Variants in DGKZ observed in about 807,000 individuals in gnomAD.
DGKZ encodes DAG kinase zeta.
DGKZ carries 45 observed loss-of-function variants against 142.5 expected under a neutral mutation model. The observed-to-expected ratio is 0.32, with a 90% CI of 0.25 to 0.40. The LOEUF (loss-of-function observed/expected upper bound fraction) is 0.40, where lower values mean the gene tolerates loss of function less well. Among genes scored for constraint, DGKZ ranks in the 10% least tolerant of loss-of-function variants. The pLI is 1.00. For missense variants in DGKZ, 755 were observed against 1,306.5 expected, an observed-to-expected ratio of 0.58 and a Z score of 6.51; for synonymous variants, 442 against 527.0, an observed-to-expected ratio of 0.84 and a Z score of 2.21.
chr11:46,366,901 C>A, intron 1 of DGKZ: 1 of 1,547,390 alleles, frequency 6.5e-7, no homozygotes, highest in Non-Finnish European at 8.7e-7. Flanking sequence ...TGCTGCCCAC[C>A]CGTGTGCGCC....
At chr11:46,354,276 C>T (rs984754034) in intron 1 of DGKZ, among the ~76,000 whole-genome samples, 1 of 152,168 alleles carries the variant, frequency 6.6e-6, no homozygotes, top group Non-Finnish European at 1.5e-5. Context: ...AATTTCAAAC[C>T]CCTAGGCTCA....
chr11:46,378,790 A>G, intron 27 of DGKZ: 2 of 969,198 alleles, frequency 2.1e-6, no homozygotes, highest in Non-Finnish European at 3.1e-6. Flanking sequence ...CAGTGCTGCC[A>G]GAGAGCCCAC....
At chr11:46,335,456 C>T (rs1014348147) in intron 1 of DGKZ, among the ~76,000 whole-genome samples, 12 of 151,872 alleles carry the variant, frequency 7.9e-5, no homozygotes, top group African/African-American at 2.7e-4. Context: ...CACACACACG[C>T]ACACAGCGGC....
intron 1 of DGKZ, among the ~76,000 whole-genome samples, chr11:46,337,407 T>C (rs1238804424): frequency 6.7e-6 from 1 of 148,738 alleles, no homozygotes; most frequent in Non-Finnish European, 1.5e-5. Flanking sequence ...GCAATTCTCC[T>C]GCCTCAGCCT....
chr11:46,358,442 G>A (rs1171252400), intron 1 of DGKZ, among the ~76,000 whole-genome samples: 1 of 152,098 alleles, frequency 6.6e-6, no homozygotes, highest in Non-Finnish European at 1.5e-5. Context: ...TTTGTACTTG[G>A]ACACCTGATA....
chr11:46,378,724 C>G (rs538861964), intron 27 of DGKZ: 2 of 837,284 alleles, frequency 2.4e-6, no homozygotes, highest in Non-Finnish European at 3.9e-6. Context: ...GTCCACCTGT[C>G]CCTGGTGCTT....
chr11:46,369,721 G>C lies in DGKZ; in HGVS notation c.501+171G>C, dbSNP rs760047840. ...CCTAACTAGCGCTGCCTGCGGAGTGGGTGGGACAGCTTGTGCCTCCTGGTG... is the reference window on the plus strand; with the variant it reads ...CCTAACTAGCGCTGCCTGCGGAGTGCGTGGGACAGCTTGTGCCTCCTGGTG... On this transcript the variant is annotated intron_variant, in intron 5 of 30. Coordinates refer to ENST00000527911, the Ensembl canonical transcript of DGKZ. The C allele has an allele frequency of 6.2e-6, 6 of 967,032 alleles. No homozygotes were observed. The East Asian group carries it at 1.6e-4, about 25-fold the overall frequency. 59.9% of individuals were successfully genotyped at this position (967,032 alleles called of 1,614,324 possible).
intron 5 of DGKZ, 21 bp from the exon 6 acceptor site, chr11:46,369,920 A>G (rs778190293): frequency 6.2e-7 from 1 of 1,613,640 alleles, no homozygotes; most frequent in East Asian, 2.2e-5. Flanking sequence ...ACCCAGTGAA[A>G]TTTTTCCCCT....
intron 1 of DGKZ, chr11:46,366,285 G>C: frequency 6.3e-7 from 1 of 1,583,160 alleles, no homozygotes; most frequent in Non-Finnish European, 8.5e-7. Flanking sequence ...AGACATTTCC[G>C]GGGGAAGGTG....
chr11:46,354,899 C>T (rs980666804), intron 1 of DGKZ, among the ~76,000 whole-genome samples: 3 of 152,196 alleles, frequency 2.0e-5, no homozygotes, highest in African/African-American at 7.2e-5. Context: ...CCTCCACGTC[C>T]GATTCCATTG....
At chr11:46,371,187 T>C (rs1038615646) in intron 6 of DGKZ, 126 bp from the exon 7 acceptor site, 3 of 898,042 alleles carry the variant, frequency 3.3e-6, no homozygotes, top group Non-Finnish European at 5.2e-6. Flanking sequence ...AGCCCAGGAG[T>C]TTGAGACCAG....
chr11:46,364,420 C>T, intron 1 of DGKZ: 1 of 1,288,098 alleles, frequency 7.8e-7, no homozygotes, highest in Non-Finnish European at 1.0e-6. Context: ...ACCCAGCGCT[C>T]TCCACCCATG....
At chr11:46,334,319 C>T (rs1231519141) in intron 1 of DGKZ, among the ~76,000 whole-genome samples, 1 of 152,246 alleles carries the variant, frequency 6.6e-6, no homozygotes, top group Non-Finnish European at 1.5e-5. Flanking sequence ...CTCTCAAGCC[C>T]TTGGCCCAGA....
intron 1 of DGKZ, among the ~76,000 whole-genome samples, chr11:46,352,736 G>A (rs1226781204): frequency 3.3e-5 from 5 of 152,222 alleles, no homozygotes; most frequent in Non-Finnish European, 7.3e-5. Context: ...CCTGCGGCCA[G>A]GTTCTTCCGC....
At chr11:46,376,363 C>T in exon 23 of DGKZ, 1 of 1,614,108 alleles carries the variant, frequency 6.2e-7, no homozygotes, top group Non-Finnish European at 8.5e-7. Flanking sequence ...CCCCGACATG[C>T]CAGAAACTGT....
chr11:46,342,207 T>C (rs909987796), intron 1 of DGKZ, among the ~76,000 whole-genome samples: 3 of 152,140 alleles, frequency 2.0e-5, no homozygotes, highest in Non-Finnish European at 4.4e-5. Context: ...GCACATGTTG[T>C]CCTAGGAACT....
exon 29 of DGKZ, chr11:46,379,234 A>G: frequency 6.2e-7 from 1 of 1,613,140 alleles, no homozygotes; most frequent in South Asian, 1.1e-5. Flanking sequence ...CGGTGGAGGA[A>G]AAGTAAGTAT....
intron 14 of DGKZ, 33 bp from the exon 15 acceptor site, chr11:46,374,124 A>T (rs751459289): frequency 4.4e-6 from 7 of 1,601,814 alleles, no homozygotes; most frequent in South Asian, 1.1e-5. Context: ...TGTGAGGCCC[A>T]GCCCTCATTT....
In DGKZ at chr11:46,372,313, C is replaced by A. The variant is rs1944034767; in HGVS notation, c.928-115C>A. The A allele has an allele frequency of 1.5e-6, 2 of 1,358,658 alleles. No homozygotes were observed. Among genetic ancestry groups the A allele is most frequent in the African/African-American group, 1.4e-5 (1 of 69,500 alleles). The allele number at this position is 1,358,658 out of a possible 1,614,324, so 84.2% of individuals were successfully genotyped here. ...GGATCCTGAGAAAATCCTGTCCTTT[C>A]TCCACCCCTCACCCCTTATTGGCCC... On this transcript the variant is annotated intron_variant, in intron 10 of 30. Transcript: ENST00000527911. The surrounding 1 kb of genome is among the most constrained non-coding windows in gnomAD (Gnocchi z 5.9).
Sources: gnomAD v4.1 joint callset for allele counts (sites outside exome capture counted in the v4.1 genomes callset) on GRCh38, gnomAD v4.1.1 for gene constraint, Gnocchi (gnomAD v3.1) non-coding constraint, MANE v1.5 for transcripts, NCBI Gene and HGNC (gene_info 2026-07-23, HGNC 2026-07-21) for gene names.